The following TACR3 variants were observed in gnomAD, a reference collection of about 807,000 sequenced individuals.
TACR3 encodes neuromedin-K receptor.
Under a neutral mutation model 35.0 loss-of-function variants are expected in TACR3, and 34 were observed. The ratio of observed to expected loss-of-function variants is 0.97; its 90% CI spans 0.74 to 1.30. The LOEUF is 1.30. Ranked by LOEUF, TACR3 falls within the 50% of genes most tolerant of loss-of-function variation. TACR3 has a pLI of 0.00. For synonymous variants in TACR3, 233 were observed against 221.1 expected (o/e 1.05, Z -0.48); for missense variants, 558 against 591.7 (o/e 0.94, Z 0.59).
At chr4:103,682,276 T>C (rs765302875) in intron 1 of TACR3, among the ~76,000 whole-genome samples, 1 of 152,064 alleles carries the variant, frequency 6.6e-6, no homozygotes, top group African/African-American at 2.4e-5. Flanking sequence ...GGTGTATTAG[T>C]CTGTTCTCAC....
At chr4:103,619,987 T>G (rs1423342879) in intron 3 of TACR3, among the ~76,000 whole-genome samples, 2 of 152,092 alleles carry the variant, frequency 1.3e-5, no homozygotes, top group Non-Finnish European at 2.9e-5. Context: ...TGGAGGATAT[T>G]CACAAACTAT....
intron 1 of TACR3, among the ~76,000 whole-genome samples, chr4:103,718,784 A>G (rs1031839791): frequency 6.6e-6 from 1 of 152,196 alleles, no homozygotes; most frequent in African/African-American, 2.4e-5. Flanking sequence ...ATTTTGTTCA[A>G]AAGTCATTTG....
intron 3 of TACR3, among the ~76,000 whole-genome samples, chr4:103,644,587 T>G (rs1725420888): frequency 6.6e-6 from 1 of 151,790 alleles, no homozygotes; most frequent in Non-Finnish European, 1.5e-5. Flanking sequence ...AATTTCTATA[T>G]AAAATTCCTA....
chr4:103,626,512 A>G (rs1389362751), intron 3 of TACR3, among the ~76,000 whole-genome samples: 1 of 152,114 alleles, frequency 6.6e-6, no homozygotes, highest in Non-Finnish European at 1.5e-5. Context: ...GCTTGCAGGA[A>G]TGTGTGTCGG....
Position 103,589,086 on chromosome 4 carries a change from T to C in TACR3, c.*596A>G, listed in dbSNP as rs2110281627. Reference sequence around the variant, plus strand: ...GATTTAACTAGATTTCCTTTTCAGTTAAATGCCATGGAAGAAATCTTTAAA... The same window carrying C: ...GATTTAACTAGATTTCCTTTTCAGTCAAATGCCATGGAAGAAATCTTTAAA... On this transcript the variant is annotated 3_prime_UTR_variant, in exon 5 of 5. Transcript: ENST00000304883. 1 of 152,318 alleles carries C rather than the reference T, an allele frequency of 6.6e-6. No individual in the cohort carries two copies. The highest frequency in any genetic ancestry group is 1.5e-5 in the Non-Finnish European group (1 of 68,044). 9.4% of individuals were successfully genotyped at this position (152,318 alleles called of 1,614,324 possible).
chr4:103,614,042 C>T (rs1009377918), intron 3 of TACR3, among the ~76,000 whole-genome samples: 4 of 152,092 alleles, frequency 2.6e-5, no homozygotes, highest in East Asian at 1.9e-4. Flanking sequence ...TTTACACACA[C>T]GGTTATAATG....
chr4:103,715,333 G>A (rs1475170328), intron 1 of TACR3, among the ~76,000 whole-genome samples: 2 of 152,042 alleles, frequency 1.3e-5, no homozygotes, highest in Non-Finnish European at 2.9e-5. Context: ...GTGAGATCTG[G>A]TTGTTCAGAT....
At chr4:103,646,045 AGTCT>A (rs1578241143) in intron 3 of TACR3, among the ~76,000 whole-genome samples, 2 of 151,980 alleles carry the variant, frequency 1.3e-5, no homozygotes, top group South Asian at 2.1e-4. Flanking sequence ...GTCATTTAAT[AGTCT>A]GTCTGTATCT....
At chr4:103,694,801 C>A (rs1450036596) in intron 1 of TACR3, among the ~76,000 whole-genome samples, 1 of 151,874 alleles carries the variant, frequency 6.6e-6, no homozygotes, top group Admixed American at 6.6e-5. Context: ...GTCTTTAAGG[C>A]ATGTATTATT....
chr4:103,709,839 A>T (rs1373692878), intron 1 of TACR3, among the ~76,000 whole-genome samples: 1 of 152,126 alleles, frequency 6.6e-6, no homozygotes, highest in Non-Finnish European at 1.5e-5. Flanking sequence ...AAAACAAAAA[A>T]AAATGCAGGG....
intron 3 of TACR3, among the ~76,000 whole-genome samples, chr4:103,636,854 C>G (rs1725204950): frequency 6.6e-6 from 1 of 152,034 alleles, no homozygotes; most frequent in African/African-American, 2.4e-5. Context: ...TGGATAAATT[C>G]CTCGACACAT....
Position 103,591,734 on chromosome 4 carries a change from C to T in TACR3, c.889-51G>A, listed in dbSNP as rs537575056. 1.3e-5 allele frequency: 19 copies of T among 1,507,492 alleles called. No homozygotes were observed. The South Asian group carries it at 2.0e-4, about 16-fold the overall frequency. The allele number at this position is 1,507,492 out of a possible 1,614,324, so 93.4% of individuals were successfully genotyped here. A position where few individuals can be genotyped will look rare whatever the true frequency, so the allele number is the denominator to read the frequency against. ...ACAAATATAATACTCATAATAGTTCCAATAGCTTATTGCAAATCATGCTTT... is the reference window on the plus strand; with the variant it reads ...ACAAATATAATACTCATAATAGTTCTAATAGCTTATTGCAAATCATGCTTT... On this transcript the variant is annotated intron_variant, in intron 3 of 4. Coordinates refer to ENST00000304883, the MANE Select transcript of TACR3 (RefSeq NM_001059.3).
At chr4:103,647,831 T>C (rs1725493740) in intron 3 of TACR3, among the ~76,000 whole-genome samples, 1 of 151,962 alleles carries the variant, frequency 6.6e-6, no homozygotes, top group African/African-American at 2.4e-5. Context: ...TTTTAAACTA[T>C]TGCTACTTAG....
In TACR3 at chr4:103,622,214, T is replaced by C. The variant is rs548423411; in HGVS notation, c.889-30531A>G. 3.3e-3 allele frequency among the ~76,000 whole-genome samples: 500 copies of C among 152,262 alleles called. 1 individual carries two copies. The highest frequency in any genetic ancestry group is 0.011 in the African/African-American group (475 of 41,560). ...GGCAAGGGTGGTTTCAGTGGAATGG[T>C]GTGTTGGAAGCCACAGCGAATTAAT... On this transcript the variant is annotated intron_variant, in intron 3 of 4. Transcript: ENST00000304883.
chr4:103,620,186 C>T (rs1724744036), intron 3 of TACR3, among the ~76,000 whole-genome samples: 1 of 152,072 alleles, frequency 6.6e-6, no homozygotes, highest in South Asian at 2.1e-4. Flanking sequence ...AAATTAAAGC[C>T]ACAATGAGAT....
In TACR3 at chr4:103,658,534, A is replaced by T; in HGVS notation, c.549-131T>A. Reference sequence around the variant, plus strand: ...TCTTTTGGGAAACCAGTTGATAAGGACTGCTTGAGTAGAGGCAGCGTAGAA... The same window carrying T: ...TCTTTTGGGAAACCAGTTGATAAGGTCTGCTTGAGTAGAGGCAGCGTAGAA... On this transcript the variant is annotated intron_variant, in intron 1 of 4. Coordinates refer to ENST00000304883, the MANE Select transcript of TACR3 (RefSeq NM_001059.3). 3 of 798,438 alleles carry T rather than the reference A, an allele frequency of 3.8e-6. No individual in the cohort carries two copies. The South Asian group carries it at 4.7e-5, about 13-fold the overall frequency. The allele number at this position is 798,438 out of a possible 1,614,324, so 49.5% of individuals were successfully genotyped here.
chr4:103,709,006 T>A (rs1722872023), intron 1 of TACR3, among the ~76,000 whole-genome samples: 1 of 151,972 alleles, frequency 6.6e-6, no homozygotes, highest in Admixed American at 6.6e-5. Context: ...TGGGACTATG[T>A]GAAAAGACCA....
At chr4:103,714,301 GA>G (rs1485869666) in intron 1 of TACR3, among the ~76,000 whole-genome samples, 2 of 152,030 alleles carry the variant, frequency 1.3e-5, no homozygotes, top group East Asian at 3.9e-4. Flanking sequence ...AGCAACCTCT[GA>G]TTACATATGA....
intron 3 of TACR3, among the ~76,000 whole-genome samples, chr4:103,600,737 C>T (rs1724177473): frequency 1.3e-5 from 2 of 152,090 alleles, no homozygotes; most frequent in Admixed American, 1.3e-4. Flanking sequence ...CATTCAGGAG[C>T]CGGTTGTTCA....
Sources: allele counts gnomAD v4.1 joint callset (sites outside exome capture counted in the v4.1 genomes callset), GRCh38; gene constraint gnomAD v4.1.1; transcripts MANE v1.5; gene names NCBI Gene and HGNC (gene_info 2026-07-23, HGNC 2026-07-21).